Variants in CDH18 observed in about 807,000 individuals in gnomAD.
CDH18 encodes the protein cadherin-18.
A neutral mutation model predicts 67.9 loss-of-function variants in CDH18; 31 were observed. The ratio of observed to expected loss-of-function variants is 0.46; its 90% CI spans 0.34 to 0.62. CDH18 has a LOEUF of 0.62. Among genes scored for constraint, CDH18 ranks in the 20% least tolerant of loss-of-function variants. The pLI is 0.01. For missense variants in CDH18, 890 were observed against 975.5 expected (o/e 0.91, Z 1.17); for synonymous variants, 362 against 347.2 (o/e 1.04, Z -0.48).
intron 5 of CDH18, among the ~76,000 whole-genome samples, chr5:19,622,133 T>A (rs1387482216): frequency 6.6e-6 from 1 of 152,126 alleles, no homozygotes; most frequent in Non-Finnish European, 1.5e-5. Flanking sequence ...ACCTTGGCAA[T>A]GTGATTTCAG....
chr5:20,206,772 A>G (rs1195090661), intron 2 of CDH18, among the ~76,000 whole-genome samples: 1 of 152,024 alleles, frequency 6.6e-6, no homozygotes, highest in Admixed American at 6.6e-5. Flanking sequence ...ATAGATGCTG[A>G]AAAAACATTA....
intron 2 of CDH18, among the ~76,000 whole-genome samples, chr5:20,152,191 TATATATAATTA>T (rs1561833391): frequency 7.2e-4 from 76 of 105,350 alleles, no homozygotes; most frequent in Non-Finnish European, 1.4e-3. Context: ...TTATATATAA[TATATATAATTA>T]TATATAATAT....
intron 2 of CDH18, among the ~76,000 whole-genome samples, chr5:20,106,673 GTTTC>G (rs1400709113): frequency 3.9e-5 from 6 of 152,124 alleles, no homozygotes; most frequent in Non-Finnish European, 7.4e-5. Flanking sequence ...GTTGTTATTT[GTTTC>G]TTTATTTGTT....
chr5:20,376,745 G>A (rs1743478056), intron 1 of CDH18, among the ~76,000 whole-genome samples: 1 of 152,016 alleles, frequency 6.6e-6, no homozygotes, highest in Non-Finnish European at 1.5e-5. Context: ...GGCTGGGCGT[G>A]GTGGCTCACA....
intron 3 of CDH18, among the ~76,000 whole-genome samples, chr5:19,753,616 AG>A (rs2149677723): frequency 6.6e-6 from 1 of 152,354 alleles, no homozygotes; most frequent in South Asian, 2.1e-4. Context: ...GAAAAAATTG[AG>A]GAAATATTCC....
intron 1 of CDH18, among the ~76,000 whole-genome samples, chr5:20,500,858 T>A (rs1450131309): frequency 2.0e-5 from 3 of 152,220 alleles, no homozygotes; most frequent in Non-Finnish European, 4.4e-5. Flanking sequence ...TTTGATTGTA[T>A]AACATTGAAC....
chr5:20,207,162 T>C (rs1230069849), intron 2 of CDH18, among the ~76,000 whole-genome samples: 1 of 151,676 alleles, frequency 6.6e-6, no homozygotes, highest in East Asian at 1.9e-4. Context: ...GAATATATAG[T>C]CAACATAAAA....
At chr5:19,497,000 T>C (rs762697999) in intron 11 of CDH18, among the ~76,000 whole-genome samples, 25 of 152,188 alleles carry the variant, frequency 1.6e-4, no homozygotes, top group Middle Eastern at 3.4e-3. Flanking sequence ...TTTTCTTCTA[T>C]ACAAATTCTC....
chr5:19,513,125 T>C (rs1745383736), intron 10 of CDH18, among the ~76,000 whole-genome samples: 1 of 152,058 alleles, frequency 6.6e-6, no homozygotes, highest in Admixed American at 6.6e-5. Context: ...ATTTATTTTC[T>C]GAGACAAGGT....
chr5:19,646,420 A>G (rs537129285), intron 5 of CDH18, among the ~76,000 whole-genome samples: 16 of 151,446 alleles, frequency 1.1e-4, no homozygotes, highest in African/African-American at 3.6e-4. Context: ...GCTCACTGCA[A>G]CCTCCACCTC....
intron 1 of CDH18, chr5:20,304,973 A>G (rs942505872): frequency 1.9e-6 from 3 of 1,613,950 alleles, no homozygotes; most frequent in Middle Eastern, 1.7e-4. Flanking sequence ...AAGGCGGCCA[A>G]CTGCTTGTGA....
chr5:19,963,173 T>TATC (rs1294801382), intron 2 of CDH18, among the ~76,000 whole-genome samples: 1 of 152,136 alleles, frequency 6.6e-6, no homozygotes, highest in African/African-American at 2.4e-5. Flanking sequence ...CACAATTCCT[T>TATC]ACATACCGTC....
At chr5:20,444,391 T>C (rs1441018767) in intron 1 of CDH18, among the ~76,000 whole-genome samples, 1 of 152,080 alleles carries the variant, frequency 6.6e-6, no homozygotes, top group African/African-American at 2.4e-5. Flanking sequence ...GAGTTACATG[T>C]TGGGTGTGGT....
chr5:20,237,863 T>A (rs1342729745), intron 2 of CDH18, among the ~76,000 whole-genome samples: 3 of 151,864 alleles, frequency 2.0e-5, no homozygotes, highest in Non-Finnish European at 4.4e-5. Flanking sequence ...ATAATAACTA[T>A]AACAAAACTA....
chr5:20,387,275 T>C (rs1744388515), intron 1 of CDH18, among the ~76,000 whole-genome samples: 2 of 152,182 alleles, frequency 1.3e-5, no homozygotes, highest in South Asian at 4.1e-4. Flanking sequence ...CTTGAAGAGG[T>C]CCTTCTTGTC....
rs566797932 is a variant in CDH18 at position 20,025,896 on chromosome 5, T to C, written c.-517-33882A>G. On this transcript the variant is annotated intron_variant, in intron 2 of 14. Transcript: ENST00000507958. ...TTGCCATTACTACCCATTCATCTCT[T>C]GGTCCATTTTCCTAAGTAATAACCT... Among the ~76,000 whole-genome samples, 3 of 152,352 alleles carry C rather than the reference T, an allele frequency of 2.0e-5. No individual in the cohort carries two copies. In the South Asian group the frequency reaches 6.2e-4, roughly 32 times the overall value.
intron 5 of CDH18, among the ~76,000 whole-genome samples, chr5:19,628,645 G>C (rs1031521431): frequency 6.6e-6 from 1 of 151,874 alleles, no homozygotes; most frequent in Non-Finnish European, 1.5e-5. Context: ...GTGGGGAGGT[G>C]GTTGGAAATC....
rs753438800 is a variant in CDH18, at chr5:20,115,270, C to CTTTTTTTTTTTT, written c.-517-123268_-517-123257dup. 5.7e-4 allele frequency among the ~76,000 whole-genome samples: 33 copies of CTTTTTTTTTTTT among 58,152 alleles called. 7 individuals carry two copies. Among genetic ancestry groups the CTTTTTTTTTTTT allele is most frequent in the East Asian group, 1.9e-3 (3 of 1,554 alleles). 38.1% of individuals were successfully genotyped at this position (58,152 alleles called of 152,430 possible). A position where few individuals can be genotyped will look rare whatever the true frequency, so the allele number is the denominator to read the frequency against. On this transcript the variant is annotated intron_variant, in intron 2 of 14. Transcript: ENST00000507958. ...TGGGGCTCCACTCTCAGGGCCTCAT[C>CTTTTTTTTTTTT]TTTTTTTTTTTTTTTTTTTTTTTTT... is the stretch of plus-strand genomic sequence containing the variant.
At chr5:20,055,985 GTTTCCTTTTTT>G (rs1741864541) in intron 2 of CDH18, among the ~76,000 whole-genome samples, 1 of 105,110 alleles carries the variant, frequency 9.5e-6, no homozygotes, top group Non-Finnish European at 2.1e-5. Context: ...GGTCCTTTTG[GTTTCCTTTTTT>G]TTTTTTTTTT....
Sources: allele counts gnomAD v4.1 joint callset (sites outside exome capture counted in the v4.1 genomes callset), GRCh38; gene constraint gnomAD v4.1.1; transcripts MANE v1.5; gene names NCBI Gene and HGNC (gene_info 2026-07-23, HGNC 2026-07-21).